The following OPCML variants were observed in gnomAD, a reference collection of about 807,000 sequenced individuals.
The protein encoded by OPCML is opioid binding protein/cell adhesion molecule like, also known as opioid-binding protein/cell adhesion molecule.
A neutral mutation model predicts 37.8 loss-of-function variants in OPCML; 13 were observed. The ratio of observed to expected loss-of-function variants is 0.34; its 90% CI spans 0.22 to 0.55. The LOEUF (loss-of-function observed/expected upper bound fraction) is 0.55, where lower values mean the gene tolerates loss of function less well. Among genes scored for constraint, OPCML ranks in the 20% least tolerant of loss-of-function variants. The pLI is 0.91. For synonymous variants in OPCML, 176 were observed against 168.8 expected (o/e 1.04, Z -0.33); for missense variants, 341 against 435.6 (o/e 0.78, Z 1.93).
At chr11:132,846,635 C>T (rs1237469751) in intron 2 of OPCML, among the ~76,000 whole-genome samples, 1 of 152,178 alleles carries the variant, frequency 6.6e-6, no homozygotes, top group Non-Finnish European at 1.5e-5. Flanking sequence ...TAGTCCATAA[C>T]CTAGCATCTT....
At chr11:132,627,177 A>G (rs1939800425) in intron 3 of OPCML, among the ~76,000 whole-genome samples, 1 of 152,252 alleles carries the variant, frequency 6.6e-6, no homozygotes, top group South Asian at 2.1e-4. Context: ...AAAACTATGT[A>G]TATATTGAAA....
At chr11:132,676,800 AAAAAG>A (rs1209201700) in intron 2 of OPCML, among the ~76,000 whole-genome samples, 1 of 151,326 alleles carries the variant, frequency 6.6e-6, no homozygotes, top group Non-Finnish European at 1.5e-5. Flanking sequence ...AAAAAAAAAA[AAAAAG>A]AAAGAACGAG....
At chr11:133,363,396 G>C (rs144498816) in intron 1 of OPCML, among the ~76,000 whole-genome samples, 1 of 152,168 alleles carries the variant, frequency 6.6e-6, no homozygotes, top group Non-Finnish European at 1.5e-5. Flanking sequence ...AGTTCCAGAC[G>C]TGACCAAGCC....
chr11:133,092,855 A>AGG (rs1440155699), intron 1 of OPCML, among the ~76,000 whole-genome samples: 1 of 151,956 alleles, frequency 6.6e-6, no homozygotes, highest in African/African-American at 2.4e-5. Context: ...AGAGAAAGAG[A>AGG]GAGAGAGAGA....
intron 2 of OPCML, among the ~76,000 whole-genome samples, chr11:132,661,828 T>G (rs529171892): frequency 6.6e-5 from 10 of 152,356 alleles, no homozygotes; most frequent in Non-Finnish European, 1.2e-4. Flanking sequence ...CATTCTATCC[T>G]AATAACTACC....
At chr11:133,394,924 C>CTT (rs949599399) in intron 1 of OPCML, among the ~76,000 whole-genome samples, 1 of 152,188 alleles carries the variant, frequency 6.6e-6, no homozygotes, top group African/African-American at 2.4e-5. Flanking sequence ...GGTAGCTCTA[C>CTT]TTTTAGTTTT....
chr11:133,223,123 C>T (rs1939905738), intron 1 of OPCML, among the ~76,000 whole-genome samples: 1 of 152,220 alleles, frequency 6.6e-6, no homozygotes, highest in African/African-American at 2.4e-5. Context: ...CACCAAACCA[C>T]AGTCCTTGAC....
chr11:133,050,254 A>T (rs548367301), intron 1 of OPCML, among the ~76,000 whole-genome samples: 1 of 152,330 alleles, frequency 6.6e-6, no homozygotes, highest in Admixed American at 6.5e-5. Flanking sequence ...TGTAGCCATC[A>T]TCTGCAATGG....
At chr11:132,463,476 A>T (rs1243793277) in intron 4 of OPCML, among the ~76,000 whole-genome samples, 1 of 152,216 alleles carries the variant, frequency 6.6e-6, no homozygotes, top group Non-Finnish European at 1.5e-5. Flanking sequence ...CTCAGATCCC[A>T]TTGCAGATGT....
chr11:132,699,200 A>AT (rs781416295), intron 2 of OPCML, among the ~76,000 whole-genome samples: 3 of 151,842 alleles, frequency 2.0e-5, no homozygotes, highest in Admixed American at 1.3e-4. Flanking sequence ...TTGTATGTTG[A>AT]TTTTTTATCC....
At chr11:133,224,641 G>A (rs1939966178) in intron 1 of OPCML, among the ~76,000 whole-genome samples, 1 of 152,186 alleles carries the variant, frequency 6.6e-6, no homozygotes, top group African/African-American at 2.4e-5. Flanking sequence ...TCCTTCCCCA[G>A]GCCTGTGGTT....
chr11:133,353,968 C>G (rs1028444044), intron 1 of OPCML, among the ~76,000 whole-genome samples: 23 of 136,210 alleles, frequency 1.7e-4, no homozygotes. Flanking sequence ...GCTATGGAAG[C>G]AGATTGTCTT....
intron 1 of OPCML, among the ~76,000 whole-genome samples, chr11:133,332,523 T>A (rs11601308): frequency 0.17 from 25,481 of 152,070 alleles, 2,609 homozygotes; most frequent in African/African-American, 0.28. Flanking sequence ...CTTGTAATGG[T>A]TTTCAAGGGC....
At chr11:132,558,837 T>A (rs965132488) in intron 3 of OPCML, among the ~76,000 whole-genome samples, 1 of 152,138 alleles carries the variant, frequency 6.6e-6, no homozygotes, top group Non-Finnish European at 1.5e-5. Flanking sequence ...GACCGTTCAA[T>A]TTTTTCAGCC....
chr11:132,932,694 TA>T (rs1227671023), intron 2 of OPCML, among the ~76,000 whole-genome samples: 8 of 63,970 alleles, frequency 1.3e-4, no homozygotes, highest in African/African-American at 4.0e-4. Flanking sequence ...ATATATATTA[TA>T]TATATATATA....
chr11:132,700,293 T>C (rs1943756686), intron 2 of OPCML, among the ~76,000 whole-genome samples: 1 of 152,158 alleles, frequency 6.6e-6, no homozygotes, highest in South Asian at 2.1e-4. Flanking sequence ...TATTTATTTC[T>C]GTTCTAATCT....
chr11:132,574,773 C>G (rs527790226), intron 3 of OPCML, among the ~76,000 whole-genome samples: 51 of 151,948 alleles, frequency 3.4e-4, no homozygotes, highest in Admixed American at 5.9e-4. Flanking sequence ...GTCCATTAGA[C>G]TCATTTGGCC....
intron 1 of OPCML, among the ~76,000 whole-genome samples, chr11:133,035,640 C>A (rs1186198908): frequency 1.3e-5 from 2 of 152,084 alleles, no homozygotes; most frequent in African/African-American, 4.8e-5. Context: ...TCGTGCCCCC[C>A]CAAAAAATGT....
chr11:133,236,600 C>A (rs1174830849), intron 1 of OPCML, among the ~76,000 whole-genome samples: 1 of 152,160 alleles, frequency 6.6e-6, no homozygotes, highest in Admixed American at 6.5e-5. Flanking sequence ...TCTTAAATAC[C>A]TGCTAGCCGT....
Sources: allele counts gnomAD v4.1 joint callset (sites outside exome capture counted in the v4.1 genomes callset), GRCh38; gene constraint gnomAD v4.1.1; transcripts MANE v1.5; gene names NCBI Gene and HGNC (gene_info 2026-07-23, HGNC 2026-07-21).